The following NIPA1 variants were observed in gnomAD, a reference collection of about 807,000 sequenced individuals.
NIPA1 encodes the protein magnesium transporter NIPA1.
NIPA1 carries 13 observed loss-of-function variants against 23.9 expected under a neutral mutation model. The ratio of observed to expected loss-of-function variants is 0.54; its 90% CI spans 0.35 to 0.87. The LOEUF is 0.87. Among genes scored for constraint, NIPA1 ranks in the 40% least tolerant of loss-of-function variants. The probability of loss-of-function intolerance (pLI) is 0.01; values close to 1 mark genes in which losing one functional copy is unlikely to be tolerated. For synonymous variants in NIPA1, 234 were observed against 202.9 expected, an observed-to-expected ratio of 1.15 and a Z score of -1.30; for missense variants, 362 against 429.7, an observed-to-expected ratio of 0.84 and a Z score of 1.39.
intron 1 of NIPA1, among the ~76,000 whole-genome samples, chr15:22,788,919 T>TAAAAAAAAAAAAAAAAAAAAAAAAA (rs199860403): frequency 2.9e-4 from 23 of 78,806 alleles, no homozygotes; most frequent in African/African-American, 1.1e-3. Context: ...GGCTCTGTCT[T>TAAAAAAAAAAAAAAAAAAAAAAAAA]AAAAAAAAAA....
Position 22,817,186 on chromosome 15 carries a change from C to CAA in NIPA1, c.318-3104_318-3103dup, listed in dbSNP as rs894814701. 2.7e-3 allele frequency among the ~76,000 whole-genome samples: 164 copies of CAA among 60,946 alleles called. 7 individuals are homozygous for CAA. Among genetic ancestry groups the CAA allele is most frequent in the African/African-American group, 6.3e-3 (82 of 13,094 alleles). 40.0% of individuals were successfully genotyped at this position (60,946 alleles called of 152,430 possible). On this transcript the variant is annotated intron_variant, in intron 3 of 4. Coordinates refer to ENST00000337435, the MANE Select transcript of NIPA1 (RefSeq NM_144599.5). ...CAGGCAACAGAGTGAGACTCTGTCT[C>CAA]AAAAAAAAAAAAAAAAAAAAAAAAT... is the stretch of plus-strand genomic sequence containing the variant.
chr15:22,816,112 A>G (rs1326185407), intron 3 of NIPA1, among the ~76,000 whole-genome samples: 1 of 152,030 alleles, frequency 6.6e-6, no homozygotes, highest in Non-Finnish European at 1.5e-5. Flanking sequence ...TAAGCAAACA[A>G]ATTAAAAGGC....
chr15:22,826,353 G>A lies in NIPA1; in HGVS notation c.*2114G>A, dbSNP rs994170004. On this transcript the variant is annotated 3_prime_UTR_variant, in exon 5 of 5. Transcript: ENST00000337435. ...TTACTCTTTTTATTGGCTCTTGCAG[G>A]TTTTGTGTTTTATCATCAGTGCTTT... is the stretch of plus-strand genomic sequence containing the variant. 6.6e-6 allele frequency: 1 copy of A among 152,118 alleles called. No homozygotes were observed. Among genetic ancestry groups the A allele is most frequent in the African/African-American group, 2.4e-5 (1 of 41,422 alleles). 9.4% of individuals were successfully genotyped at this position (152,118 alleles called of 1,614,324 possible).
chr15:22,813,617 T>C lies in NIPA1; in HGVS notation c.317+1364T>C, dbSNP rs1421875506. The stretch of plus-strand genomic sequence containing the variant: ...TTTCTAACTCATGGATACATTGGTT[T>C]TCTGCTGTATTCCAGACAGATGCCC... On this transcript the variant is annotated intron_variant, in intron 3 of 4. Coordinates refer to ENST00000337435, the MANE Select transcript of NIPA1 (RefSeq NM_144599.5). The C allele has an allele frequency of 6.6e-6, 3 of 455,892 alleles. No homozygotes were observed. In the East Asian group the frequency reaches 2.1e-4, roughly 32 times the overall value. 28.2% of individuals were successfully genotyped at this position (455,892 alleles called of 1,614,324 possible).
chr15:22,791,982 A>G (rs1355860901), intron 1 of NIPA1, among the ~76,000 whole-genome samples: 1 of 152,056 alleles, frequency 6.6e-6, no homozygotes, highest in Non-Finnish European at 1.5e-5. Flanking sequence ...GACATAGTCC[A>G]GGGAGCGTGC....
chr15:22,787,041 G>A (rs1442722934), intron 1 of NIPA1, among the ~76,000 whole-genome samples: 1 of 151,826 alleles, frequency 6.6e-6, no homozygotes, highest in Non-Finnish European at 1.5e-5. Flanking sequence ...GAGCGGCCCA[G>A]GAATCACAGG....
At chr15:22,821,505 G>T (rs923834299) in intron 4 of NIPA1, among the ~76,000 whole-genome samples, 1 of 150,726 alleles carries the variant, frequency 6.6e-6, no homozygotes, top group Non-Finnish European at 1.5e-5. Flanking sequence ...CACACTCGCT[G>T]GTTTTCTCGT....
chr15:22,790,559 G>A (rs544227065), intron 1 of NIPA1, among the ~76,000 whole-genome samples: 1 of 151,928 alleles, frequency 6.6e-6, no homozygotes, highest in South Asian at 2.1e-4. Flanking sequence ...TGGGTTATAG[G>A]CATGCACCAC....
At chr15:22,793,655 G>T (rs2140849175) in intron 1 of NIPA1, among the ~76,000 whole-genome samples, 1 of 152,084 alleles carries the variant, frequency 6.6e-6, no homozygotes, top group Non-Finnish European at 1.5e-5. Flanking sequence ...TGGCCAGCCT[G>T]GTCTCGAACT....
chr15:22,829,415 T>G lies in NIPA1; in HGVS notation c.*5176T>G, dbSNP rs1179433239. On this transcript the variant is annotated 3_prime_UTR_variant, in exon 5 of 5. Coordinates refer to ENST00000337435, the MANE Select transcript of NIPA1 (RefSeq NM_144599.5). ...TATTTATTTGTCAGAATATAATAAT[T>G]GCCCCCCACCTTAGTATTTTTGCAC... 2.0e-5 allele frequency: 3 copies of G among 152,558 alleles called. No homozygotes were observed. The highest frequency in any genetic ancestry group is 7.2e-5 in the African/African-American group (3 of 41,444). 9.5% of individuals were successfully genotyped at this position (152,558 alleles called of 1,614,324 possible). A position where few individuals can be genotyped will look rare whatever the true frequency, so the allele number is the denominator to read the frequency against.
chr15:22,808,524 A>G (rs28603681), intron 1 of NIPA1, among the ~76,000 whole-genome samples: 7,251 of 152,274 alleles, frequency 0.048, 688 homozygotes, highest in East Asian at 0.44. Context: ...GCCAGTGTCC[A>G]TCAGGCTTAT....
At position 22,824,426 on chromosome 15, in the gene NIPA1, C is replaced by T; in HGVS notation, c.*187C>T. 2 of 615,874 alleles carry T rather than the reference C, an allele frequency of 3.2e-6. No individual in the cohort carries two copies. Among genetic ancestry groups the T allele is most frequent in the Non-Finnish European group, 5.8e-6 (2 of 343,398 alleles). The allele number at this position is 615,874 out of a possible 1,614,324, so 38.2% of individuals were successfully genotyped here. ...CAGAGGCCCAGCCAGCCCTCTGCAG[C>T]CCAAACGTCCCCAACGGTTGCCTGG... is the stretch of plus-strand genomic sequence containing the variant. On this transcript the variant is annotated 3_prime_UTR_variant, in exon 5 of 5. Coordinates refer to ENST00000337435, the MANE Select transcript of NIPA1 (RefSeq NM_144599.5). The surrounding 1 kb of genome is among the most constrained non-coding windows in gnomAD (Gnocchi z 4.1).
intron 1 of NIPA1, among the ~76,000 whole-genome samples, chr15:22,803,675 A>AT (rs34811722): frequency 0.28 from 19,892 of 71,084 alleles, 3,802 homozygotes; most frequent in Non-Finnish European, 0.35. Context: ...GGCCCGGCTA[A>AT]TTTTTTTTTT....
At chr15:22,791,852 T>G (rs949987227) in intron 1 of NIPA1, among the ~76,000 whole-genome samples, 2 of 152,102 alleles carry the variant, frequency 1.3e-5, no homozygotes, top group Non-Finnish European at 2.9e-5. Flanking sequence ...GTCTACAGCA[T>G]AGGCTCGGAT....
chr15:22,802,453 T>C (rs1460454408), intron 1 of NIPA1, among the ~76,000 whole-genome samples: 1 of 151,514 alleles, frequency 6.6e-6, no homozygotes, highest in African/African-American at 2.4e-5. Context: ...TAAAAAGCTG[T>C]GCATGTTTAA....
At chr15:22,791,221 T>C (rs1239802506) in intron 1 of NIPA1, among the ~76,000 whole-genome samples, 2 of 152,136 alleles carry the variant, frequency 1.3e-5, no homozygotes, top group Non-Finnish European at 2.9e-5. Flanking sequence ...CTCTTCCAAG[T>C]CTACTTTACT....
chr15:22,806,210 A>G lies in NIPA1; in HGVS notation c.179-4539A>G, dbSNP rs887016625. ...AGTGCCGGGATTACAGGCGTGAGCC[A>G]CCGCGCCCGGCCTAAAGCTGTATTT... On this transcript the variant is annotated intron_variant, in intron 1 of 4. Coordinates refer to ENST00000337435, the MANE Select transcript of NIPA1 (RefSeq NM_144599.5). 6.6e-5 allele frequency among the ~76,000 whole-genome samples: 10 copies of G among 152,204 alleles called. No homozygotes were observed. In the East Asian group the frequency reaches 1.9e-3, roughly 29 times the overall value.
intron 1 of NIPA1, among the ~76,000 whole-genome samples, chr15:22,802,919 C>A (rs1204537521): frequency 6.6e-6 from 1 of 151,970 alleles, no homozygotes; most frequent in Non-Finnish European, 1.5e-5. Context: ...TTTGAGTATA[C>A]CAGTTTACAT....
intron 1 of NIPA1, among the ~76,000 whole-genome samples, chr15:22,802,534 G>C (rs143284487): frequency 1.3e-5 from 2 of 152,116 alleles, no homozygotes; most frequent in Non-Finnish European, 2.9e-5. Context: ...AAATTTAACT[G>C]TCATTTATCA....
Sources: gnomAD v4.1 joint callset for allele counts (sites outside exome capture counted in the v4.1 genomes callset) on GRCh38, gnomAD v4.1.1 for gene constraint, Gnocchi (gnomAD v3.1) non-coding constraint, MANE v1.5 for transcripts, NCBI Gene and HGNC (gene_info 2026-07-23, HGNC 2026-07-21) for gene names.